STIM1: variants seen among roughly 807,000 people sequenced by gnomAD.
STIM1 encodes stromal interaction molecule 1.
Under a neutral mutation model 74.7 loss-of-function variants are expected in STIM1, and 25 were observed. The observed-to-expected ratio is 0.33, with a 90% CI of 0.24 to 0.47. STIM1 has a LOEUF of 0.47. Among genes scored for constraint, STIM1 ranks in the 20% least tolerant of loss-of-function variants. STIM1 has a pLI of 1.00. For synonymous variants in STIM1, 328 were observed against 348.8 expected, an observed-to-expected ratio of 0.94 and a Z score of 0.66; for missense variants, 728 against 920.8, an observed-to-expected ratio of 0.79 and a Z score of 2.71.
chr11:4,079,485 A>G (rs2094453910), intron 7 of STIM1, among the ~76,000 whole-genome samples: 1 of 151,260 alleles, frequency 6.6e-6, no homozygotes, highest in East Asian at 1.9e-4. Context: ...CAGGCAGGAG[A>G]ATCGCTTGAA....
intron 3 of STIM1, chr11:4,049,741 C>CACACAA (rs1357427760): frequency 4.8e-5 from 7 of 145,362 alleles, no homozygotes; most frequent in African/African-American, 1.7e-4. Context: ...CACACACACA[C>CACACAA]ACACACACAC....
At chr11:3,979,187 A>G (rs192310000) in intron 2 of STIM1, among the ~76,000 whole-genome samples, 8 of 152,270 alleles carry the variant, frequency 5.3e-5, no homozygotes, top group African/African-American at 1.9e-4. Context: ...TTATTACCAT[A>G]ATTAATAATA....
In STIM1 at chr11:3,960,213, G is replaced by T. The variant is rs74051572; in HGVS notation, c.140-7339G>T. ...AAAGAATACTTGATAGATAACTATG[G>T]TTATTCAGTATTTGGCAGAATTTTC... On this transcript the variant is annotated intron_variant, in intron 1 of 12. Coordinates refer to ENST00000526596, the MANE Select transcript of STIM1 (RefSeq NM_001382567.1). Among the ~76,000 whole-genome samples the T allele has an allele frequency of 9.0e-3, 1,370 of 152,166 alleles. 21 individuals carry two copies. Among genetic ancestry groups the T allele is most frequent in the African/African-American group, 0.032 (1,312 of 41,498 alleles).
chr11:4,020,276 C>G (rs868462216), intron 2 of STIM1, among the ~76,000 whole-genome samples: 4 of 152,236 alleles, frequency 2.6e-5, no homozygotes, highest in Non-Finnish European at 2.9e-5. Context: ...GAAGATGTCT[C>G]TTCAACATGC....
chr11:3,883,648 C>T (rs959453299), intron 1 of STIM1, among the ~76,000 whole-genome samples: 4 of 152,236 alleles, frequency 2.6e-5, no homozygotes, highest in Non-Finnish European at 5.9e-5. Context: ...GCACCACACC[C>T]AGCCAATGGG....
At chr11:3,901,907 A>G (rs4910859) in intron 1 of STIM1, among the ~76,000 whole-genome samples, 42,280 of 152,072 alleles carry the variant, frequency 0.28, 6,226 homozygotes, top group South Asian at 0.39. Flanking sequence ...AGCTGAAACT[A>G]CAGGCACGTG....
intron 11 of STIM1, among the ~76,000 whole-genome samples, chr11:4,085,657 G>A (rs889026463): frequency 6.6e-6 from 1 of 152,224 alleles, no homozygotes; most frequent in Admixed American, 6.5e-5. Context: ...GATAGCCACT[G>A]CCACTTATTG....
At chr11:3,932,868 C>T (rs893699872) in intron 1 of STIM1, among the ~76,000 whole-genome samples, 8 of 152,010 alleles carry the variant, frequency 5.3e-5, no homozygotes, top group Non-Finnish European at 8.8e-5. Flanking sequence ...TTAAGCTGCC[C>T]TGTCTATGGT....
chr11:3,918,654 A>T (rs2092681456), intron 1 of STIM1, among the ~76,000 whole-genome samples: 1 of 152,150 alleles, frequency 6.6e-6, no homozygotes, highest in South Asian at 2.1e-4. Flanking sequence ...TCCTAAAGTA[A>T]TCACTGTGGC....
intron 1 of STIM1, among the ~76,000 whole-genome samples, chr11:3,937,046 C>A (rs1266072650): frequency 6.6e-6 from 1 of 152,020 alleles, no homozygotes; most frequent in Non-Finnish European, 1.5e-5. Flanking sequence ...TGGACCACGT[C>A]TGTAATCCCA....
intron 1 of STIM1, chr11:3,892,454 A>G (rs963579308): frequency 8.7e-6 from 13 of 1,491,766 alleles, no homozygotes; most frequent in African/African-American, 2.7e-5. Flanking sequence ...CCTGGACCCA[A>G]AGTGCTCTAT....
chr11:4,020,868 G>A (rs1362883287), intron 2 of STIM1, among the ~76,000 whole-genome samples: 1 of 151,998 alleles, frequency 6.6e-6, no homozygotes, highest in African/African-American at 2.4e-5. Context: ...TTCCCAAAGT[G>A]CCGTGATTAC....
intron 1 of STIM1, among the ~76,000 whole-genome samples, chr11:3,936,702 T>C (rs2092935889): frequency 6.6e-6 from 1 of 152,190 alleles, no homozygotes; most frequent in African/African-American, 2.4e-5. Flanking sequence ...CTTGGCACTA[T>C]AGAGGCAACA....
chr11:4,026,539 C>T (rs1210368402), intron 3 of STIM1, among the ~76,000 whole-genome samples: 3 of 152,170 alleles, frequency 2.0e-5, no homozygotes, highest in Non-Finnish European at 2.9e-5. Flanking sequence ...AGATTACTCT[C>T]ACTTCAGACA....
At chr11:3,864,256 T>C (rs961500886) in intron 1 of STIM1, among the ~76,000 whole-genome samples, 1 of 152,224 alleles carries the variant, frequency 6.6e-6, no homozygotes, top group African/African-American at 2.4e-5. Context: ...ACTGTATTGG[T>C]TACTTATTGG....
intron 1 of STIM1, among the ~76,000 whole-genome samples, chr11:3,941,628 T>TAGAG (rs1177224041): frequency 0.021 from 2,213 of 106,500 alleles, 55 homozygotes; most frequent in African/African-American, 0.065. Context: ...CATATATATA[T>TAGAG]ATAGAGAGAT....
intron 1 of STIM1, among the ~76,000 whole-genome samples, chr11:3,918,658 C>G (rs73425479): frequency 0.013 from 1,963 of 152,246 alleles, 47 homozygotes; most frequent in African/African-American, 0.045. Context: ...AAAGTAATCA[C>G]TGTGGCCAGG....
chr11:3,863,935 G>T (rs1027841227), intron 1 of STIM1, among the ~76,000 whole-genome samples: 2 of 152,074 alleles, frequency 1.3e-5, no homozygotes, highest in Non-Finnish European at 2.9e-5. Context: ...GTACGTATGT[G>T]TAGGAAAAAA....
chr11:4,051,412 G>T (rs927222221), intron 3 of STIM1, among the ~76,000 whole-genome samples: 1 of 149,692 alleles, frequency 6.7e-6, no homozygotes, highest in Non-Finnish European at 1.5e-5. Context: ...ACGCAATCTC[G>T]GCTCACTGCA....
Sources: gnomAD v4.1 joint callset for allele counts (sites outside exome capture counted in the v4.1 genomes callset) on GRCh38, gnomAD v4.1.1 for gene constraint, MANE v1.5 for transcripts, NCBI Gene and HGNC (gene_info 2026-07-23, HGNC 2026-07-21) for gene names.